Variants in ATG3 observed in about 807,000 individuals in gnomAD.
ATG3 encodes the protein ubiquitin-like-conjugating enzyme ATG3.
Under a neutral mutation model 50.7 loss-of-function variants are expected in ATG3, and 25 were observed. The ratio of observed to expected loss-of-function variants is 0.49; its 90% CI spans 0.36 to 0.69. ATG3 has a LOEUF of 0.69. Among genes scored for constraint, ATG3 ranks in the 30% least tolerant of loss-of-function variants. The pLI is 0.00. For missense variants in ATG3, 281 were observed against 376.0 expected (o/e 0.75, Z 2.09); for synonymous variants, 119 against 125.5 (o/e 0.95, Z 0.34).
intron 4 of ATG3, among the ~76,000 whole-genome samples, chr3:112,548,889 T>C (rs1019292440): frequency 1.3e-5 from 2 of 152,250 alleles, no homozygotes; most frequent in East Asian, 3.8e-4. Context: ...GAATGTTCTA[T>C]GCATTCCTTT....
At chr3:112,558,483 G>T in intron 1 of ATG3, 66 bp from the exon 2 acceptor site, 1 of 1,334,330 alleles carries the variant, frequency 7.5e-7, no homozygotes, top group Non-Finnish European at 1.1e-6. Context: ...ATATTTTGGG[G>T]GCAATTATTT....
At chr3:112,554,219 A>G (rs1432595001) in intron 2 of ATG3, among the ~76,000 whole-genome samples, 1 of 152,212 alleles carries the variant, frequency 6.6e-6, no homozygotes, top group African/African-American at 2.4e-5. Context: ...TCTGAGCCCA[A>G]GCTAAGCCAT....
At chr3:112,540,413 A>G (rs531572136) in intron 7 of ATG3, among the ~76,000 whole-genome samples, 36 of 152,350 alleles carry the variant, frequency 2.4e-4, no homozygotes, top group African/African-American at 7.2e-4. Flanking sequence ...CAGCTGCCTT[A>G]CAGCCTTCAA....
At chr3:112,551,000 A>AGTGATTTC (rs1933511560) in intron 3 of ATG3, among the ~76,000 whole-genome samples, 1 of 152,200 alleles carries the variant, frequency 6.6e-6, no homozygotes, top group Non-Finnish European at 1.5e-5. Context: ...GTCAAAGCCA[A>AGTGATTTC]GTGACTTCAG....
intron 2 of ATG3, among the ~76,000 whole-genome samples, chr3:112,554,994 A>T (rs1446293375): frequency 6.6e-6 from 1 of 152,228 alleles, no homozygotes; most frequent in Non-Finnish European, 1.5e-5. Context: ...AGCTCATTGC[A>T]ACCAGATGCT....
intron 6 of ATG3, among the ~76,000 whole-genome samples, chr3:112,543,698 A>G (rs1189350208): frequency 1.3e-5 from 2 of 152,310 alleles, no homozygotes; most frequent in African/African-American, 4.8e-5. Flanking sequence ...CTCCACTTAT[A>G]TGACATTTGG....
In ATG3 at chr3:112,532,521, TG is replaced by T; in HGVS notation, c.*177del. 2.5e-6 allele frequency: 1 copy of T among 405,918 alleles called. No homozygotes were observed. 25.1% of individuals were successfully genotyped at this position (405,918 alleles called of 1,614,324 possible). On this transcript the variant is annotated 3_prime_UTR_variant, in exon 12 of 12. Transcript: ENST00000283290. ...GACACAAGAAAAACTCTCTTTGCAC[TG>T]ATTTTTATTAAACAAGTAAGGCTGG...
rs1460509921 is a variant in ATG3 at position 112,561,825 on chromosome 3, G to A, written c.-297C>T. 2.9e-5 allele frequency: 12 copies of A among 408,442 alleles called. No individual in the cohort carries two copies. The highest frequency in any genetic ancestry group is 4.8e-5 in the Non-Finnish European group (11 of 227,590). 25.3% of individuals were successfully genotyped at this position (408,442 alleles called of 1,614,324 possible). A position where few individuals can be genotyped will look rare whatever the true frequency, so the allele number is the denominator to read the frequency against. ...GCGGGGCCGAAGGGAGACCTGAGGT[G>A]AGAAGCGGACGCACACGCACCCCTC... On this transcript the variant is annotated 5_prime_UTR_variant, in exon 1 of 12. Transcript: ENST00000283290.
chr3:112,560,461 G>A (rs765597673), intron 1 of ATG3, among the ~76,000 whole-genome samples: 9 of 152,012 alleles, frequency 5.9e-5, no homozygotes, highest in Non-Finnish European at 1.3e-4. Flanking sequence ...TATAGACCTA[G>A]TACTTCCCTT....
intron 4 of ATG3, among the ~76,000 whole-genome samples, chr3:112,549,876 G>A (rs944134884): frequency 2.9e-4 from 43 of 150,130 alleles, no homozygotes; most frequent in African/African-American, 9.3e-4. Context: ...TAATAACATC[G>A]TCAGCTCTGA....
At chr3:112,544,032 A>G in intron 6 of ATG3, 25 bp downstream of exon 6, 1 of 1,535,964 alleles carries the variant, frequency 6.5e-7, no homozygotes, top group Non-Finnish European at 9.0e-7. Context: ...CATTAAATTT[A>G]AAAATATAAC....
At chr3:112,552,821 T>G (rs554308337) in intron 3 of ATG3, among the ~76,000 whole-genome samples, 45 of 151,672 alleles carry the variant, frequency 3.0e-4, no homozygotes, top group Non-Finnish European at 5.7e-4. Context: ...CAGCTAATAT[T>G]TTGCATTTTT....
chr3:112,538,766 C>G (rs1387007450), intron 7 of ATG3, among the ~76,000 whole-genome samples: 1 of 152,150 alleles, frequency 6.6e-6, no homozygotes, highest in East Asian at 1.9e-4. Context: ...CGATTTCATC[C>G]AGACTCAATG....
At chr3:112,552,311 TA>T in intron 3 of ATG3, among the ~76,000 whole-genome samples, 1 of 152,218 alleles carries the variant, frequency 6.6e-6, no homozygotes, top group Admixed American at 6.5e-5. Context: ...TTGGAAGTAA[TA>T]AAACACTGTT....
chr3:112,547,833 T>G (rs1165586297), intron 5 of ATG3, among the ~76,000 whole-genome samples: 5 of 152,214 alleles, frequency 3.3e-5, no homozygotes, highest in Non-Finnish European at 7.3e-5. Context: ...TATTAAATAC[T>G]TAATAGATGT....
intron 11 of ATG3, 137 bp downstream of exon 11, chr3:112,534,132 A>C: frequency 7.0e-7 from 1 of 1,420,762 alleles, no homozygotes; most frequent in Non-Finnish European, 9.2e-7. Context: ...AAATAAATGA[A>C]AGACTTCTAC....
chr3:112,561,221 C>T (rs564585785), intron 1 of ATG3, among the ~76,000 whole-genome samples: 2 of 152,304 alleles, frequency 1.3e-5, no homozygotes, highest in Admixed American at 6.5e-5. Flanking sequence ...AGAGTTATGA[C>T]GGGAGAAGGC....
intron 9 of ATG3, among the ~76,000 whole-genome samples, chr3:112,536,920 C>CAAAAAAAA (rs56353465): frequency 1.5e-5 from 1 of 68,404 alleles, no homozygotes; most frequent in Non-Finnish European, 2.5e-5. Context: ...GACTCCATCT[C>CAAAAAAAA]AAAAAAAAAA....
At chr3:112,533,990 A>T in intron 11 of ATG3, 1 of 1,173,774 alleles carries the variant, frequency 8.5e-7, no homozygotes, top group Non-Finnish European at 1.1e-6. Context: ...GGAAATGTAC[A>T]TAAGAAAAAG....
Sources: gnomAD v4.1 joint callset for allele counts (sites outside exome capture counted in the v4.1 genomes callset) on GRCh38, gnomAD v4.1.1 for gene constraint, MANE v1.5 for transcripts, NCBI Gene and HGNC (gene_info 2026-07-23, HGNC 2026-07-21) for gene names.